KIF3C: variants seen among roughly 807,000 people sequenced by gnomAD.
KIF3C encodes the protein kinesin-like protein KIF3C.
KIF3C carries 12 observed loss-of-function variants against 67.7 expected under a neutral mutation model. The ratio of observed to expected loss-of-function variants is 0.18; its 90% confidence interval spans 0.11 to 0.29. The LOEUF is 0.29. Among genes scored for constraint, KIF3C ranks in the 10% least tolerant of loss-of-function variants. The pLI, the probability that KIF3C is intolerant of heterozygous loss-of-function variation, is 1.00. For synonymous variants in KIF3C, 393 were observed against 426.2 expected, an observed-to-expected ratio of 0.92 and a Z score of 0.96; for missense variants, 789 against 1,059.6, an observed-to-expected ratio of 0.74 and a Z score of 3.55.
chr2:25,948,260 G>A (rs1663497437), intron 5 of KIF3C, among the ~76,000 whole-genome samples: 1 of 152,014 alleles, frequency 6.6e-6, no homozygotes, highest in African/African-American at 2.4e-5. Flanking sequence ...CATAAATAAG[G>A]AGGGGAAGTC....
rs537533858 is a variant in KIF3C, at chr2:25,926,775, C to A, written c.*2203G>T. 6.6e-6 allele frequency: 1 copy of A among 152,192 alleles called. No individual in the cohort carries two copies. Among genetic ancestry groups the A allele is most frequent in the South Asian group, 2.1e-4 (1 of 4,822 alleles). The allele number at this position is 152,192 out of a possible 1,614,324, so 9.4% of individuals were successfully genotyped here. A position where few individuals can be genotyped will look rare whatever the true frequency, so the allele number is the denominator to read the frequency against. ...ATATATATTTATATATTACATATGTCCCGTATAGTCATATGTGTAGAGTGA... is the reference window on the plus strand; with the variant it reads ...ATATATATTTATATATTACATATGTACCGTATAGTCATATGTGTAGAGTGA... On this transcript the variant is annotated 3_prime_UTR_variant, in exon 8 of 8. Transcript: ENST00000264712.
chr2:25,977,474 T>C (rs1169605384), intron 1 of KIF3C, among the ~76,000 whole-genome samples: 1 of 152,104 alleles, frequency 6.6e-6, no homozygotes, highest in Admixed American at 6.6e-5. Flanking sequence ...TGAAATCTCC[T>C]AGACCTCTCC....
At chr2:25,938,841 C>A (rs529188702) in intron 5 of KIF3C, among the ~76,000 whole-genome samples, 1 of 152,110 alleles carries the variant, frequency 6.6e-6, no homozygotes, top group Non-Finnish European at 1.5e-5. Flanking sequence ...ACATCTGACG[C>A]GTTCTCCTAG....
At chr2:25,931,487 A>G (rs2090458571) in intron 5 of KIF3C, among the ~76,000 whole-genome samples, 1 of 152,078 alleles carries the variant, frequency 6.6e-6, no homozygotes, top group Non-Finnish European at 1.5e-5. Context: ...AACAAAACAA[A>G]AAAAGTATCC....
intron 5 of KIF3C, 115 bp downstream of exon 5, chr2:25,951,674 C>T: frequency 1.5e-6 from 1 of 680,364 alleles, no homozygotes; most frequent in South Asian, 1.7e-5. Flanking sequence ...CCCATCTTTT[C>T]CCCAATCCAC....
chr2:25,957,692 T>C (rs1197908179), intron 1 of KIF3C, among the ~76,000 whole-genome samples: 2 of 152,108 alleles, frequency 1.3e-5, no homozygotes, highest in Non-Finnish European at 2.9e-5. Flanking sequence ...AAGAGCCACA[T>C]CATTGGGAAC....
At chr2:25,963,933 C>T (rs910185358) in intron 1 of KIF3C, among the ~76,000 whole-genome samples, 5 of 152,104 alleles carry the variant, frequency 3.3e-5, no homozygotes, top group African/African-American at 1.2e-4. Flanking sequence ...CCTTGTGATC[C>T]GCCCACCTCA....
chr2:25,956,585 G>T (rs953727661), intron 1 of KIF3C, 141 bp from the exon 2 acceptor site: 4 of 653,864 alleles, frequency 6.1e-6, no homozygotes, highest in South Asian at 1.8e-5. Context: ...GTGGCTTTCA[G>T]GGAGAATGGA....
chr2:25,978,020 A>G lies in KIF3C; in HGVS notation c.1545+2353T>C, dbSNP rs901865445. Among the ~76,000 whole-genome samples, 8 of 151,920 alleles carry G rather than the reference A, an allele frequency of 5.3e-5. 1 individual carries two copies. Among genetic ancestry groups the G allele is most frequent in the African/African-American group, 1.9e-4 (8 of 41,338 alleles). ...ACACCTGGTACATAGTGACTGTTTC[A>G]CCCACTCCCCAGGGAGCAAGGTCAG... is the stretch of plus-strand genomic sequence containing the variant. On this transcript the variant is annotated intron_variant, in intron 1 of 7. Transcript: ENST00000264712.
intron 1 of KIF3C, among the ~76,000 whole-genome samples, chr2:25,962,889 A>T (rs866353245): frequency 1.6e-5 from 1 of 61,156 alleles, no homozygotes; most frequent in African/African-American, 7.5e-5. Context: ...AAATATATAT[A>T]ATATAAAATA....
chr2:25,979,723 T>G (rs776270849), intron 1 of KIF3C, among the ~76,000 whole-genome samples: 6 of 152,138 alleles, frequency 3.9e-5, no homozygotes, highest in Non-Finnish European at 4.4e-5. Flanking sequence ...CTGTTCATGG[T>G]CCCACTTTGC....
At chr2:25,946,419 G>A (rs976661536) in intron 5 of KIF3C, among the ~76,000 whole-genome samples, 7 of 152,064 alleles carry the variant, frequency 4.6e-5, no homozygotes, top group African/African-American at 1.4e-4. Flanking sequence ...GGCCGGGCAT[G>A]GTGGCTCACG....
intron 5 of KIF3C, among the ~76,000 whole-genome samples, chr2:25,932,133 C>G (rs2149221516): frequency 1.3e-5 from 2 of 151,614 alleles, no homozygotes; most frequent in East Asian, 3.9e-4. Flanking sequence ...TCCCGAATAG[C>G]TGGTATTACA....
In KIF3C at chr2:25,928,919, C is replaced by T. The variant is rs1042371656; in HGVS notation, c.*59G>A. On this transcript the variant is annotated 3_prime_UTR_variant, in exon 8 of 8. Coordinates refer to ENST00000264712, the MANE Select transcript of KIF3C (RefSeq NM_002254.8). ...CGCACCAAGCGGCAGATGAGATGAG[C>T]CAGGGTTGGCTGCCCCATCCCAGGA... The T allele has an allele frequency of 2.8e-6, 4 of 1,442,804 alleles. No homozygotes were observed. In the African/African-American group the frequency reaches 5.6e-5, roughly 20 times the overall value. The allele number at this position is 1,442,804 out of a possible 1,614,324, so 89.4% of individuals were successfully genotyped here. A position where few individuals can be genotyped will look rare whatever the true frequency, so the allele number is the denominator to read the frequency against.
rs559865353 is a variant in KIF3C at position 25,955,286 on chromosome 2, T to C, written c.1770+255A>G. Among the ~76,000 whole-genome samples, 2 of 152,160 alleles carry C rather than the reference T, an allele frequency of 1.3e-5. No individual in the cohort carries two copies. Among genetic ancestry groups the C allele is most frequent in the East Asian group, 1.9e-4 (1 of 5,168 alleles). On this transcript the variant is annotated intron_variant, in intron 3 of 7. Coordinates refer to ENST00000264712, the MANE Select transcript of KIF3C (RefSeq NM_002254.8). The surrounding 1 kb of genome is among the most constrained non-coding windows in gnomAD (Gnocchi z 5.0). ...GGGTAATCACCCAGGACCATGAAGA[T>C]GGTAACGCTGGATACTGCAAGTGAC... is the stretch of plus-strand genomic sequence containing the variant.
intron 5 of KIF3C, among the ~76,000 whole-genome samples, chr2:25,935,058 A>T (rs1663053317): frequency 6.6e-6 from 1 of 152,138 alleles, no homozygotes; most frequent in Non-Finnish European, 1.5e-5. Context: ...AGCCTAGCCA[A>T]CATGGTGAAA....
At chr2:25,944,871 C>T (rs1360475715) in intron 5 of KIF3C, among the ~76,000 whole-genome samples, 1 of 152,152 alleles carries the variant, frequency 6.6e-6, no homozygotes, top group Non-Finnish European at 1.5e-5. Context: ...TGGCTCACGC[C>T]TGTAATCCCA....
At chr2:25,941,702 G>C (rs771033363) in intron 5 of KIF3C, among the ~76,000 whole-genome samples, 8 of 152,146 alleles carry the variant, frequency 5.3e-5, no homozygotes, top group Non-Finnish European at 7.4e-5. Context: ...AGACCAGCCT[G>C]GGCAATGTAG....
At chr2:25,931,229 G>T (rs765433254) in intron 5 of KIF3C, among the ~76,000 whole-genome samples, 81 of 151,954 alleles carry the variant, frequency 5.3e-4, no homozygotes, top group Non-Finnish European at 1.0e-3. Flanking sequence ...GGCCGAGACG[G>T]GTAGATCACC....
Sources: allele counts gnomAD v4.1 joint callset (sites outside exome capture counted in the v4.1 genomes callset), GRCh38; gene constraint gnomAD v4.1.1; non-coding constraint Gnocchi (gnomAD v3.1); transcripts MANE v1.5; gene names NCBI Gene and HGNC (gene_info 2026-07-23, HGNC 2026-07-21).